ARPP21: variants seen among roughly 807,000 people sequenced by gnomAD.
ARPP21 encodes cAMP-regulated phosphoprotein 21.
A neutral mutation model predicts 113.2 loss-of-function variants in ARPP21; 69 were observed. The ratio of observed to expected loss-of-function variants is 0.61; its 90% confidence interval spans 0.50 to 0.74. The LOEUF is 0.74. ARPP21 is among the 30% of genes least tolerant of loss of function. The pLI is 0.00. For missense variants in ARPP21, 1,070 were observed against 1,037.4 expected (o/e 1.03, Z -0.43); for synonymous variants, 368 against 375.5 (o/e 0.98, Z 0.23).
At chr3:35,687,701 A>T in intron 5 of ARPP21, 38 bp from the exon 6 acceptor site, 1 of 1,576,022 alleles carries the variant, frequency 6.3e-7, no homozygotes, top group Non-Finnish European at 8.6e-7. Context: ...AGAGATGATT[A>T]AACCTGGCCC....
chr3:35,674,228 T>C (rs940621188), intron 1 of ARPP21, among the ~76,000 whole-genome samples: 1 of 151,926 alleles, frequency 6.6e-6, no homozygotes, highest in Admixed American at 6.6e-5. Context: ...CTTCTTGATA[T>C]AGGAGATCAT....
At chr3:35,668,611 G>A (rs547595851) in intron 1 of ARPP21, among the ~76,000 whole-genome samples, 8 of 152,172 alleles carry the variant, frequency 5.3e-5, no homozygotes, top group African/African-American at 1.4e-4. Flanking sequence ...GGGATCTGCC[G>A]TTTTTACATT....
chr3:35,708,318 G>A (rs1394179769), intron 10 of ARPP21, among the ~76,000 whole-genome samples: 2 of 152,292 alleles, frequency 1.3e-5, no homozygotes, highest in Admixed American at 6.5e-5. Context: ...GTTCTTTGAA[G>A]CATTACTTTA....
intron 2 of ARPP21, among the ~76,000 whole-genome samples, chr3:35,680,415 C>T (rs1052060473): frequency 6.6e-6 from 1 of 151,864 alleles, no homozygotes; most frequent in Non-Finnish European, 1.5e-5. Context: ...TTTGCATTCC[C>T]ACAATCCTTT....
At chr3:35,738,369 G>C in intron 17 of ARPP21, 51 bp downstream of exon 17, 3 of 1,439,856 alleles carry the variant, frequency 2.1e-6, no homozygotes, top group Non-Finnish European at 9.4e-7. Context: ...CATATTCTCT[G>C]ATTTTACTAC....
At chr3:35,759,670 C>CTGTG (rs1309706417) in intron 19 of ARPP21, among the ~76,000 whole-genome samples, 1 of 119,126 alleles carries the variant, frequency 8.4e-6, no homozygotes, top group African/African-American at 3.1e-5. Flanking sequence ...CTTTCATTTT[C>CTGTG]TCTCTCTGTG....
At chr3:35,747,508 C>T (rs1387344098) in intron 19 of ARPP21, among the ~76,000 whole-genome samples, 3 of 152,016 alleles carry the variant, frequency 2.0e-5, no homozygotes, top group Admixed American at 6.6e-5. Flanking sequence ...CAGAAGAATC[C>T]GTTTATTGCC....
chr3:35,691,047 C>A, intron 9 of ARPP21, 42 bp downstream of exon 9: 3 of 1,565,364 alleles, frequency 1.9e-6, no homozygotes, highest in Non-Finnish European at 2.6e-6. Flanking sequence ...TTCTTTTTCT[C>A]CTATGGATTC....
At chr3:35,646,273 T>C (rs180817162) in intron 1 of ARPP21, among the ~76,000 whole-genome samples, 71 of 152,236 alleles carry the variant, frequency 4.7e-4, no homozygotes, top group African/African-American at 1.6e-3. Flanking sequence ...TTTCTAAAAC[T>C]GCAAGCTAAA....
At chr3:35,673,548 C>T (rs1305085744) in intron 1 of ARPP21, among the ~76,000 whole-genome samples, 1 of 151,818 alleles carries the variant, frequency 6.6e-6, no homozygotes, top group Non-Finnish European at 1.5e-5. Flanking sequence ...GTAGCAAATA[C>T]AAAGTATTGA....
At chr3:35,745,282 G>A (rs913120004) in intron 19 of ARPP21, among the ~76,000 whole-genome samples, 1 of 152,180 alleles carries the variant, frequency 6.6e-6, no homozygotes, top group South Asian at 2.1e-4. Flanking sequence ...GGTGCTATCA[G>A]TTTAGATACA....
At chr3:35,768,895 G>T (rs867056393) in intron 19 of ARPP21, among the ~76,000 whole-genome samples, 1 of 152,110 alleles carries the variant, frequency 6.6e-6, no homozygotes, top group Non-Finnish European at 1.5e-5. Context: ...GTTTACTAAA[G>T]AATTAGAAAT....
intron 1 of ARPP21, among the ~76,000 whole-genome samples, chr3:35,665,118 A>C (rs949737189): frequency 1.3e-5 from 2 of 152,240 alleles, no homozygotes; most frequent in Admixed American, 1.3e-4. Flanking sequence ...CCTAACTCAG[A>C]ATACATGAGT....
intron 5 of ARPP21, chr3:35,685,367 A>C: frequency 1.0e-6 from 1 of 985,296 alleles, no homozygotes; most frequent in Non-Finnish European, 1.2e-6. Flanking sequence ...CTCTCTTTGG[A>C]TTGGCTGAGG....
chr3:35,697,285 C>A (rs2084422269), intron 9 of ARPP21, among the ~76,000 whole-genome samples: 1 of 151,488 alleles, frequency 6.6e-6, no homozygotes, highest in Non-Finnish European at 1.5e-5. Context: ...TGGATACAGG[C>A]CCTAGAAACT....
chr3:35,779,954 G>A (rs964293661), intron 19 of ARPP21, among the ~76,000 whole-genome samples: 1 of 152,088 alleles, frequency 6.6e-6, no homozygotes, highest in Non-Finnish European at 1.5e-5. Context: ...CTGTTAGAAG[G>A]AACCTCTTTC....
chr3:35,721,895 T>G, intron 14 of ARPP21, 61 bp downstream of exon 14: 1 of 1,056,058 alleles, frequency 9.5e-7, no homozygotes, highest in Non-Finnish European at 1.4e-6. Context: ...CCAAGCCATA[T>G]GGTCACCATT....
chr3:35,711,862 C>G (rs2091220803), intron 11 of ARPP21, among the ~76,000 whole-genome samples: 1 of 152,084 alleles, frequency 6.6e-6, no homozygotes, highest in Non-Finnish European at 1.5e-5. Flanking sequence ...AGAGAAAGCC[C>G]AAGATGGAAG....
At chr3:35,711,215 C>G (rs1451277008) in intron 11 of ARPP21, among the ~76,000 whole-genome samples, 1 of 152,102 alleles carries the variant, frequency 6.6e-6, no homozygotes, top group Non-Finnish European at 1.5e-5. Flanking sequence ...TATCCTAGGG[C>G]AGCGTTTTAA....
Sources: allele counts gnomAD v4.1 joint callset (sites outside exome capture counted in the v4.1 genomes callset), GRCh38; gene constraint gnomAD v4.1.1; transcripts MANE v1.5; gene names NCBI Gene and HGNC (gene_info 2026-07-23, HGNC 2026-07-21).